RC3H1: variants seen among roughly 807,000 people sequenced by gnomAD.
The protein encoded by RC3H1 is roquin-1.
A neutral mutation model predicts 138.2 loss-of-function variants in RC3H1; 50 were observed. The ratio of observed to expected loss-of-function variants is 0.36; its 90% CI spans 0.29 to 0.46. RC3H1 has a LOEUF of 0.46. RC3H1 is among the 20% of genes least tolerant of loss of function. The probability of loss-of-function intolerance (pLI) is 1.00; values close to 1 mark genes in which losing one functional copy is unlikely to be tolerated. For missense variants in RC3H1, 1,031 were observed against 1,388.1 expected (o/e 0.74, Z 4.09); for synonymous variants, 462 against 489.1 (o/e 0.94, Z 0.73).
At chr1:173,989,713 T>G (rs1273796490) in intron 2 of RC3H1, among the ~76,000 whole-genome samples, 3 of 127,032 alleles carry the variant, frequency 2.4e-5, no homozygotes, top group Non-Finnish European at 4.9e-5. Flanking sequence ...TATTCAAGTT[T>G]TTTTTTTTTT....
In RC3H1 at chr1:173,937,520, A is replaced by T. The variant is rs1658657103; in HGVS notation, c.*1201T>A. On this transcript the variant is annotated 3_prime_UTR_variant, in exon 20 of 20. Coordinates refer to ENST00000367696, the MANE Select transcript of RC3H1 (RefSeq NM_172071.4). ...CATCAGAATATGTGCAGCAGAATTAAAAAAAAAAAAAACCTTACTCTTTTC... is the reference window on the plus strand; with the variant it reads ...CATCAGAATATGTGCAGCAGAATTATAAAAAAAAAAAACCTTACTCTTTTC... 1 of 131,806 alleles carries T rather than the reference A, an allele frequency of 7.6e-6. No individual in the cohort carries two copies. Among genetic ancestry groups the T allele is most frequent in the Admixed American group, 7.3e-5 (1 of 13,708 alleles). 8.2% of individuals were successfully genotyped at this position (131,806 alleles called of 1,614,324 possible). A position where few individuals can be genotyped will look rare whatever the true frequency, so the allele number is the denominator to read the frequency against.
intron 9 of RC3H1, among the ~76,000 whole-genome samples, chr1:173,965,883 G>A (rs1660094124): frequency 6.6e-6 from 1 of 152,204 alleles, no homozygotes; most frequent in Non-Finnish European, 1.5e-5. Context: ...GCTCACACCA[G>A]TAATCCCAGC....
At chr1:173,947,674 A>G in intron 14 of RC3H1, 92 bp from the exon 15 acceptor site, 4 of 878,832 alleles carry the variant, frequency 4.6e-6, no homozygotes, top group South Asian at 3.0e-5. Flanking sequence ...AAAGAAGAGT[A>G]CAGCACTCTT....
At chr1:173,944,945 T>C (rs998284236) in intron 17 of RC3H1, among the ~76,000 whole-genome samples, 10 of 152,136 alleles carry the variant, frequency 6.6e-5, no homozygotes, top group Non-Finnish European at 1.5e-5. Flanking sequence ...TATTAAAGAT[T>C]ATGGTAGAAA....
Position 173,941,167 on chromosome 1 carries a change from A to G in RC3H1, c.3251+98T>C, listed in dbSNP as rs567270714. On this transcript the variant is annotated intron_variant, in intron 19 of 19. Transcript: ENST00000367696. ...AGAATAATGATATTTTAAGAATCAA[A>G]TTATATTTATGAGGGTATTTCTGAT... 22 of 764,006 alleles carry G rather than the reference A, an allele frequency of 2.9e-5. No homozygotes were observed. The East Asian group carries it at 4.5e-4, about 15-fold the overall frequency. The allele number at this position is 764,006 out of a possible 1,614,324, so 47.3% of individuals were successfully genotyped here. A position where few individuals can be genotyped will look rare whatever the true frequency, so the allele number is the denominator to read the frequency against.
chr1:173,969,863 G>T (rs959347518), intron 9 of RC3H1, among the ~76,000 whole-genome samples: 3 of 151,692 alleles, frequency 2.0e-5, no homozygotes, highest in African/African-American at 7.3e-5. Flanking sequence ...ATTTTCCACT[G>T]GAAATACATC....
Position 173,943,627 on chromosome 1 carries a change from A to C in RC3H1, c.2962-12T>G. On this transcript the variant is annotated splice_polypyrimidine_tract_variant and intron_variant, in intron 17 of 19. Transcript: ENST00000367696. ...CTGTTACTAACAGCCTAGTGCATAA[A>C]GCCAAGCACACAGAAAACTCAACAC... is the stretch of plus-strand genomic sequence containing the variant. 6.2e-7 allele frequency: 1 copy of C among 1,604,334 alleles called. No homozygotes were observed. The highest frequency in any genetic ancestry group is 8.5e-7 in the Non-Finnish European group (1 of 1,175,232).
chr1:173,951,046 CA>C (rs1285304658), intron 14 of RC3H1, among the ~76,000 whole-genome samples: 1 of 151,964 alleles, frequency 6.6e-6, no homozygotes, highest in Non-Finnish European at 1.5e-5. Context: ...AAGATGAAGC[CA>C]GGCACGGTGG....
Position 173,956,156 on chromosome 1 carries a change from A to G in RC3H1, c.2371-4018T>C, listed in dbSNP as rs144346074. 4.6e-5 allele frequency among the ~76,000 whole-genome samples: 7 copies of G among 151,502 alleles called. No individual in the cohort carries two copies. In the East Asian group the frequency reaches 7.7e-4, roughly 17 times the overall value. On this transcript the variant is annotated intron_variant, in intron 13 of 19. Transcript: ENST00000367696. ...AAAAAAAAAAAAAAAGAAAAAAAAA[A>G]GAAAAGAAAATTTGGATGACTGTTC...
intron 1 of RC3H1, among the ~76,000 whole-genome samples, chr1:174,010,652 G>A (rs1383763688): frequency 2.0e-5 from 3 of 146,644 alleles, no homozygotes; most frequent in East Asian, 4.0e-4. Context: ...AGACTCAAGC[G>A]ATCCTCCTGC....
At chr1:173,974,104 C>T (rs1270038711) in intron 7 of RC3H1, among the ~76,000 whole-genome samples, 1 of 151,912 alleles carries the variant, frequency 6.6e-6, no homozygotes, top group Admixed American at 6.6e-5. Flanking sequence ...GCATGAGCCA[C>T]TGCGCTCTAC....
At chr1:173,981,944 T>A (rs1660837960) in intron 5 of RC3H1, among the ~76,000 whole-genome samples, 1 of 151,952 alleles carries the variant, frequency 6.6e-6, no homozygotes, top group South Asian at 2.1e-4. Flanking sequence ...CAATAAATGA[T>A]ACATAGTGAG....
At chr1:174,011,272 A>C (rs6676307) in intron 1 of RC3H1, among the ~76,000 whole-genome samples, 28 of 149,840 alleles carry the variant, frequency 1.9e-4, no homozygotes, top group African/African-American at 6.3e-4. Context: ...TAACTCAATT[A>C]AAAAAAAAAC....
chr1:173,961,085 G>A lies in RC3H1; in HGVS notation c.2362C>T (p.Pro788Ser). 1.9e-6 allele frequency: 3 copies of A among 1,612,506 alleles called. No individual in the cohort carries two copies. The highest frequency in any genetic ancestry group is 2.5e-6 in the Non-Finnish European group (3 of 1,179,414). The change falls in exon 13 of 20, where the codon CCG (proline) becomes TCG (serine). Residue 788 changes from proline (P) to serine (S), a missense_variant. Physicochemically the swap from Pro to Ser is moderately conservative, Grantham distance 74 (BLOSUM62 -1). Transcript: ENST00000367696. ...AAAAATGATTTGCTTACTTCTTCCG[G>A]ATGAAAGGTAGGAGGCAAGGTTGGT... is the stretch of plus-strand genomic sequence containing the variant. ...PSPTLPPTFH[P>S]EEFLDEDLKV...
chr1:173,947,291 T>C (rs554006887), intron 15 of RC3H1, 78 bp downstream of exon 15: 6 of 943,162 alleles, frequency 6.4e-6, no homozygotes, highest in South Asian at 1.4e-5. Context: ...AAAACACTGA[T>C]AGTAAATGGA....
chr1:174,004,596 A>T (rs919847215), intron 1 of RC3H1, among the ~76,000 whole-genome samples: 6 of 151,614 alleles, frequency 4.0e-5, no homozygotes, highest in African/African-American at 1.5e-4. Flanking sequence ...ACCTGAGGTC[A>T]GGGGTTCGAG....
At chr1:173,950,423 A>AAAAAAAAAAAAAAAAAAAAAAAAAAAC (rs1659342224) in intron 14 of RC3H1, among the ~76,000 whole-genome samples, 1 of 146,578 alleles carries the variant, frequency 6.8e-6, no homozygotes, top group African/African-American at 2.5e-5. Flanking sequence ...TCTCTACCAA[A>AAAAAAAAAAAAAAAAAAAAAAAAAAAC]AAAAAAAAAA....
At chr1:174,013,601 G>T (rs566239702) in intron 1 of RC3H1, among the ~76,000 whole-genome samples, 24 of 151,976 alleles carry the variant, frequency 1.6e-4, no homozygotes, top group Non-Finnish European at 3.2e-4. Context: ...ACCACCACGT[G>T]TGGCTAATTT....
chr1:173,935,591 C>G lies in RC3H1; in HGVS notation c.*3130G>C, dbSNP rs2102817665. Reference sequence around the variant, plus strand: ...GTCTCTAAAAAAAAAAATTAAAAAGCCAGAAGCAATTAATACCTTTTCAAT... The same window carrying G: ...GTCTCTAAAAAAAAAAATTAAAAAGGCAGAAGCAATTAATACCTTTTCAAT... On this transcript the variant is annotated 3_prime_UTR_variant, in exon 20 of 20. Coordinates refer to ENST00000367696, the MANE Select transcript of RC3H1 (RefSeq NM_172071.4). 1 of 151,752 alleles carries G rather than the reference C, an allele frequency of 6.6e-6. No individual in the cohort carries two copies. The highest frequency in any genetic ancestry group is 6.6e-5 in the Admixed American group (1 of 15,250). 9.4% of individuals were successfully genotyped at this position (151,752 alleles called of 1,614,324 possible).
Sources: gnomAD v4.1 joint callset for allele counts (sites outside exome capture counted in the v4.1 genomes callset) on GRCh38, gnomAD v4.1.1 for gene constraint, MANE v1.5 for transcripts, NCBI Gene and HGNC (gene_info 2026-07-23, HGNC 2026-07-21) for gene names.